NREP: variants seen among roughly 807,000 people sequenced by gnomAD.
NREP encodes neuronal regeneration-related protein.
Under a neutral mutation model 8.6 loss-of-function variants are expected in NREP, and 5 were observed. The observed-to-expected ratio is 0.58, with a 90% CI of 0.30 to 1.22. The LOEUF (loss-of-function observed/expected upper bound fraction) is 1.22. Ranked by LOEUF, NREP falls within the 50% of genes most tolerant of loss-of-function variation. The probability of loss-of-function intolerance (pLI) is 0.07; values close to 1 mark genes in which losing one functional copy is unlikely to be tolerated. For synonymous variants in NREP, 27 were observed against 28.0 expected (o/e 0.96, Z 0.11); for missense variants, 86 against 82.5 (o/e 1.04, Z -0.17).
intron 2 of NREP, among the ~76,000 whole-genome samples, chr5:111,767,612 C>T (rs1482066531): frequency 6.6e-6 from 1 of 152,118 alleles, no homozygotes; most frequent in Non-Finnish European, 1.5e-5. Flanking sequence ...CACTTGTCCC[C>T]AATTTGTGTT....
At chr5:111,941,843 C>T (rs1237960089) in intron 2 of NREP, among the ~76,000 whole-genome samples, 1 of 152,026 alleles carries the variant, frequency 6.6e-6, no homozygotes, top group African/African-American at 2.4e-5. Context: ...TTCTGTTATC[C>T]TCTAAATAGA....
At chr5:111,881,964 A>G (rs1159415001) in intron 2 of NREP, among the ~76,000 whole-genome samples, 1 of 152,254 alleles carries the variant, frequency 6.6e-6, no homozygotes, top group African/African-American at 2.4e-5. Flanking sequence ...CCAGCAACGG[A>G]ACAAAGCTGG....
chr5:111,827,996 T>G (rs1752668526), intron 2 of NREP, among the ~76,000 whole-genome samples: 1 of 152,194 alleles, frequency 6.6e-6, no homozygotes, highest in Admixed American at 6.5e-5. Context: ...TTTTGTATTT[T>G]TAGGTAACTT....
At chr5:111,735,020 T>G (rs1748973717) in intron 3 of NREP, 2 of 361,492 alleles carry the variant, frequency 5.5e-6, no homozygotes, top group South Asian at 1.5e-4. Flanking sequence ...TAACAGTTTT[T>G]TTGTTCCTCC....
At chr5:111,928,636 C>CCCT (rs1484329161) in intron 2 of NREP, among the ~76,000 whole-genome samples, 8 of 152,066 alleles carry the variant, frequency 5.3e-5, no homozygotes, top group Admixed American at 4.6e-4. Flanking sequence ...ATACAATACT[C>CCCT]CCTCATGAGC....
At chr5:111,761,745 T>G (rs1202036829), upstream of NREP, among the ~76,000 whole-genome samples, 2 of 152,156 alleles carry the variant, frequency 1.3e-5, no homozygotes, top group Non-Finnish European at 2.9e-5. Context: ...CCAGGGAAGG[T>G]GACGCCAAGG....
At chr5:111,937,459 A>G (rs1755715197) in intron 2 of NREP, among the ~76,000 whole-genome samples, 1 of 152,082 alleles carries the variant, frequency 6.6e-6, no homozygotes, top group Non-Finnish European at 1.5e-5. Flanking sequence ...TTCAAATACT[A>G]ATTTTCTATA....
chr5:111,885,884 G>A (rs893796767), intron 2 of NREP, among the ~76,000 whole-genome samples: 1 of 152,110 alleles, frequency 6.6e-6, no homozygotes, highest in Non-Finnish European at 1.5e-5. Flanking sequence ...AGAAAACCTA[G>A]GCATTACCAT....
chr5:111,785,025 A>C (rs1417396150), intron 2 of NREP, among the ~76,000 whole-genome samples: 2 of 152,106 alleles, frequency 1.3e-5, no homozygotes, highest in African/African-American at 4.8e-5. Flanking sequence ...ACAGTCATTG[A>C]CTATCTTGCC....
chr5:111,862,244 T>C (rs777544585), intron 2 of NREP, among the ~76,000 whole-genome samples: 5 of 152,296 alleles, frequency 3.3e-5, no homozygotes, highest in South Asian at 2.1e-4. Flanking sequence ...GCACAAATCA[T>C]GTACATACAT....
At chr5:111,814,997 T>C (rs895725117) in intron 2 of NREP, among the ~76,000 whole-genome samples, 1 of 147,922 alleles carries the variant, frequency 6.8e-6, no homozygotes, top group African/African-American at 2.5e-5. Flanking sequence ...AAGGAACTGG[T>C]GTAATAAAAA....
chr5:111,957,522 C>A (rs559234412), intron 2 of NREP, among the ~76,000 whole-genome samples: 6 of 151,872 alleles, frequency 4.0e-5, no homozygotes, highest in South Asian at 2.1e-4. Flanking sequence ...TATTTTATAA[C>A]AACTCTTCCA....
chr5:111,817,421 C>G (rs973597984), intron 2 of NREP, among the ~76,000 whole-genome samples: 3 of 152,082 alleles, frequency 2.0e-5, no homozygotes, highest in African/African-American at 7.2e-5. Context: ...AAGTTTTTGT[C>G]AATCAGATTA....
At chr5:111,806,229 C>G (rs1752137948) in intron 2 of NREP, among the ~76,000 whole-genome samples, 1 of 152,046 alleles carries the variant, frequency 6.6e-6, no homozygotes, top group Non-Finnish European at 1.5e-5. Flanking sequence ...ACCTCTTGCC[C>G]CCTTGGGTCA....
upstream of NREP, among the ~76,000 whole-genome samples, chr5:111,760,567 C>A (rs769922147): frequency 2.0e-5 from 3 of 152,134 alleles, no homozygotes; most frequent in Non-Finnish European, 4.4e-5. Context: ...ACTGTGGATG[C>A]CAGGGCTCCT....
chr5:111,868,949 A>G (rs1489095008), intron 2 of NREP, among the ~76,000 whole-genome samples: 1 of 152,144 alleles, frequency 6.6e-6, no homozygotes, highest in East Asian at 1.9e-4. Context: ...TAGTGGTCCA[A>G]TGACAACACC....
intron 2 of NREP, among the ~76,000 whole-genome samples, chr5:111,809,397 G>A (rs1197434286): frequency 6.6e-6 from 1 of 152,174 alleles, no homozygotes; most frequent in Non-Finnish European, 1.5e-5. Context: ...CAAAATTCAT[G>A]TTGAAATTTG....
chr5:111,968,787 T>C (rs1240035580), intron 2 of NREP, among the ~76,000 whole-genome samples: 1 of 152,166 alleles, frequency 6.6e-6, no homozygotes, highest in African/African-American at 2.4e-5. Context: ...GTACTACATA[T>C]CACACTTGGA....
chr5:111,884,869 T>TC (rs1561709979), intron 2 of NREP, among the ~76,000 whole-genome samples: 1 of 152,194 alleles, frequency 6.6e-6, no homozygotes, highest in African/African-American at 2.4e-5. Flanking sequence ...GCCAATATCA[T>TC]ACTGAATGGG....
Sources: gnomAD v4.1 joint callset for allele counts (sites outside exome capture counted in the v4.1 genomes callset) on GRCh38, gnomAD v4.1.1 for gene constraint, MANE v1.5 for transcripts, NCBI Gene and HGNC (gene_info 2026-07-23, HGNC 2026-07-21) for gene names.